Variants in TTC28 observed in about 807,000 individuals in gnomAD.
TTC28 encodes tetratricopeptide repeat protein 28.
TTC28 carries 61 observed loss-of-function variants against 198.0 expected under a neutral mutation model. That is an observed-to-expected ratio of 0.31 (90% CI 0.25 to 0.38). The LOEUF (loss-of-function observed/expected upper bound fraction) is 0.38. Among genes scored for constraint, TTC28 ranks in the 10% least tolerant of loss-of-function variants. TTC28 has a pLI of 1.00. For missense variants in TTC28, 2,678 were observed against 3,164.0 expected, an observed-to-expected ratio of 0.85 and a Z score of 3.69; for synonymous variants, 1,171 against 1,297.8, an observed-to-expected ratio of 0.90 and a Z score of 2.10.
At chr22:28,543,328 ACT>A (rs2049459780) in intron 2 of TTC28, among the ~76,000 whole-genome samples, 1 of 151,988 alleles carries the variant, frequency 6.6e-6, no homozygotes. Flanking sequence ...ACAGAGTAAG[ACT>A]CTGTCTCAAA....
At chr22:28,322,414 A>G (rs991842305) in intron 2 of TTC28, among the ~76,000 whole-genome samples, 3 of 152,240 alleles carry the variant, frequency 2.0e-5, no homozygotes, top group Admixed American at 6.5e-5. Flanking sequence ...CTTTTGGAAC[A>G]GAAGATAACA....
At chr22:28,228,363 A>C (rs6005746) in intron 5 of TTC28, among the ~76,000 whole-genome samples, 2,036 of 152,304 alleles carry the variant, frequency 0.013, 57 homozygotes, top group African/African-American at 0.047. Flanking sequence ...TAAAATAGTA[A>C]ATTTTGTTAT....
At chr22:28,493,260 G>A (rs1361373001) in intron 2 of TTC28, among the ~76,000 whole-genome samples, 1 of 152,056 alleles carries the variant, frequency 6.6e-6, no homozygotes, top group African/African-American at 2.4e-5. Context: ...GTAGGCTGAG[G>A]TAAGAGAATT....
chr22:28,425,681 T>C (rs1358228029), intron 2 of TTC28, among the ~76,000 whole-genome samples: 1 of 152,144 alleles, frequency 6.6e-6, no homozygotes, highest in Admixed American at 6.5e-5. Flanking sequence ...AAAGAAGAGA[T>C]TAATTCCAAC....
chr22:28,532,438 C>G (rs5762674), intron 2 of TTC28, among the ~76,000 whole-genome samples: 40,586 of 151,618 alleles, frequency 0.27, 6,673 homozygotes, highest in Middle Eastern at 0.4. Flanking sequence ...CAAAAAAAGT[C>G]CAGGACCAGA....
intron 5 of TTC28, among the ~76,000 whole-genome samples, chr22:28,191,107 G>A (rs1924700965): frequency 6.6e-6 from 1 of 152,026 alleles, no homozygotes; most frequent in Non-Finnish European, 1.5e-5. Context: ...CATATTTCTT[G>A]TTCTCTGAAC....
At chr22:28,661,113 C>T (rs1027741706) in intron 1 of TTC28, among the ~76,000 whole-genome samples, 3 of 151,518 alleles carry the variant, frequency 2.0e-5, no homozygotes, top group Non-Finnish European at 2.9e-5. Flanking sequence ...GGAGAAACCC[C>T]GTCTCTACTA....
chr22:28,211,427 G>A (rs201159219), intron 5 of TTC28, among the ~76,000 whole-genome samples: 1 of 152,084 alleles, frequency 6.6e-6, no homozygotes, highest in East Asian at 1.9e-4. Context: ...AAAATAAAGG[G>A]ATGGAGGAAG....
At chr22:28,029,667 A>T (rs1402759005) in intron 13 of TTC28, among the ~76,000 whole-genome samples, 1 of 152,022 alleles carries the variant, frequency 6.6e-6, no homozygotes, top group Non-Finnish European at 1.5e-5. Flanking sequence ...GAAATTTCAA[A>T]CTCGATTCAT....
Position 28,096,205 on chromosome 22 carries a change from G to A in TTC28, c.3751C>T (p.Leu1251=). Residue 1251 remains leucine, a synonymous_variant, in exon 11 of 23, where the codon CTG becomes TTG. Coordinates refer to ENST00000397906, the MANE Select transcript of TTC28 (RefSeq NM_001145418.2). ...GAGATCTTACCTGCCCCAGGAGCCA[G>A]CAGCCAGCTATACAGATAGCCTGCA... ...LAAGYLYSWL[L]APGAGIVKFH... The A allele has an allele frequency of 6.5e-7, 1 of 1,544,750 alleles. No homozygotes were observed. Among genetic ancestry groups the A allele is most frequent in the African/African-American group, 1.4e-5 (1 of 73,034 alleles).
At chr22:28,018,713 C>T (rs1938480005) in intron 13 of TTC28, among the ~76,000 whole-genome samples, 1 of 152,120 alleles carries the variant, frequency 6.6e-6, no homozygotes, top group African/African-American at 2.4e-5. Flanking sequence ...AGTCAGGGGT[C>T]AGGGGGATGG....
intron 2 of TTC28, among the ~76,000 whole-genome samples, chr22:28,441,991 T>C (rs2047629438): frequency 6.6e-6 from 1 of 151,912 alleles, no homozygotes; most frequent in South Asian, 2.1e-4. Flanking sequence ...TAGCCAAATG[T>C]ACAGCGGCCA....
intron 2 of TTC28, among the ~76,000 whole-genome samples, chr22:28,309,357 T>A (rs960066524): frequency 2.6e-5 from 4 of 152,206 alleles, no homozygotes; most frequent in Non-Finnish European, 4.4e-5. Flanking sequence ...TAATTGAGAA[T>A]TCTCATTGCT....
intron 22 of TTC28, among the ~76,000 whole-genome samples, chr22:27,984,274 G>A (rs1937130826): frequency 6.6e-6 from 1 of 151,968 alleles, no homozygotes; most frequent in Non-Finnish European, 1.5e-5. Flanking sequence ...AGTCCCTCTG[G>A]CATCACCGAC....
At chr22:28,141,589 G>A (rs1462532333) in intron 6 of TTC28, among the ~76,000 whole-genome samples, 1 of 152,068 alleles carries the variant, frequency 6.6e-6, no homozygotes, top group Non-Finnish European at 1.5e-5. Flanking sequence ...TGATTGTGGA[G>A]ATCACTCATT....
intron 2 of TTC28, among the ~76,000 whole-genome samples, chr22:28,334,977 T>G (rs2145885381): frequency 6.6e-6 from 1 of 152,352 alleles, no homozygotes; most frequent in East Asian, 1.9e-4. Flanking sequence ...CTAGGGTTTT[T>G]ATGGTTTTAG....
intron 2 of TTC28, among the ~76,000 whole-genome samples, chr22:28,426,454 T>C (rs1256166988): frequency 6.6e-6 from 1 of 152,164 alleles, no homozygotes; most frequent in Non-Finnish European, 1.5e-5. Context: ...TATCTTTATA[T>C]AGTTTAGTTG....
rs980904559 is a variant in TTC28 at position 28,599,360 on chromosome 22, C to A, written c.381+30192G>T. ...TAGTTTTTAGAATAAACTTTTTAAT[C>A]CCTCCCCCATCTGAAAGAAATGCTT... On this transcript the variant is annotated intron_variant, in intron 2 of 22. Transcript: ENST00000397906. 3.3e-5 allele frequency among the ~76,000 whole-genome samples: 5 copies of A among 152,300 alleles called. No homozygotes were observed. The East Asian group carries it at 7.7e-4, about 24-fold the overall frequency.
At chr22:28,438,996 T>A (rs2047569543) in intron 2 of TTC28, among the ~76,000 whole-genome samples, 3 of 152,116 alleles carry the variant, frequency 2.0e-5, no homozygotes, top group African/African-American at 4.8e-5. Flanking sequence ...CAAAATATTC[T>A]GGTTTTCTTT....
Sources: gnomAD v4.1 joint callset for allele counts (sites outside exome capture counted in the v4.1 genomes callset) on GRCh38, gnomAD v4.1.1 for gene constraint, MANE v1.5 for transcripts, NCBI Gene and HGNC (gene_info 2026-07-23, HGNC 2026-07-21) for gene names.